The following RFTN1 variants were observed in gnomAD, a reference collection of about 807,000 sequenced individuals.
The protein encoded by RFTN1 is raftlin.
In RFTN1, 26 loss-of-function variants were observed where a neutral mutation model predicts 46.5. The ratio of observed to expected loss-of-function variants is 0.56; its 90% CI spans 0.41 to 0.78. The LOEUF is 0.78. Among genes scored for constraint, RFTN1 ranks in the 30% least tolerant of loss-of-function variants. The pLI, the probability that RFTN1 is intolerant of heterozygous loss-of-function variation, is 0.00. For synonymous variants in RFTN1, 261 were observed against 284.2 expected (o/e 0.92, Z 0.82); for missense variants, 693 against 718.7 (o/e 0.96, Z 0.41).
chr3:16,401,087 C>T (rs545472171), intron 4 of RFTN1, among the ~76,000 whole-genome samples: 9 of 152,156 alleles, frequency 5.9e-5, no homozygotes, highest in East Asian at 3.9e-4. Flanking sequence ...CAATGGGGGC[C>T]GATCGCTTGA....
rs1384860121 is a variant in RFTN1, at chr3:16,410,241, ACACACACACACACACAC to A, written c.333-775_333-759del. On this transcript the variant is annotated intron_variant, in intron 3 of 9. Coordinates refer to ENST00000334133, the MANE Select transcript of RFTN1 (RefSeq NM_015150.2). This position sits in a 1 kb window ranked among gnomAD's most constrained non-coding sequence, Gnocchi z 4.6. ...CACACACACACACACACACACACACACACACACACACACACACAAACTCTCACTCCAGTAATGTCTAT... is the reference window on the plus strand; with the variant it reads ...CACACACACACACACACACACACACAAAACTCTCACTCCAGTAATGTCTAT... 1.4e-4 allele frequency among the ~76,000 whole-genome samples: 21 copies of A among 150,134 alleles called. No individual in the cohort carries two copies. Among genetic ancestry groups the A allele is most frequent in the African/African-American group, 5.1e-4 (21 of 40,920 alleles).
chr3:16,394,353 G>T (rs575801503), intron 4 of RFTN1, among the ~76,000 whole-genome samples: 1 of 152,244 alleles, frequency 6.6e-6, no homozygotes, highest in South Asian at 2.1e-4. Context: ...TCTAGCTTGG[G>T]CAACACAGTG....
rs191932438 is a variant in RFTN1, at chr3:16,338,712, G to A, written c.1147-11836C>T. On this transcript the variant is annotated intron_variant, in intron 7 of 9. Transcript: ENST00000334133. The surrounding 1 kb of genome is among the most constrained non-coding windows in gnomAD (Gnocchi z 5.3). ...TCTCTTTAGACTATCAGAGATGAAT[G>A]AGGGATCCTATATCATATCTTTAGC... Among the ~76,000 whole-genome samples, 11 of 152,318 alleles carry A rather than the reference G, an allele frequency of 7.2e-5. No homozygotes were observed. In the East Asian group the frequency reaches 1.7e-3, roughly 24 times the overall value.
intron 2 of RFTN1, among the ~76,000 whole-genome samples, chr3:16,438,585 C>CAAAAAAAAAAAAAAAAAGAAA (rs2075560590): frequency 3.3e-5 from 1 of 30,444 alleles, no homozygotes; most frequent in Admixed American, 5.8e-4. Context: ...AACTCTGTCT[C>CAAAAAAAAAAAAAAAAAGAAA]AAAAAAAAAA....
rs1002459441 is a variant in RFTN1, at chr3:16,422,103, C to A, written c.332+11748G>T. ...AAATATGTCTACCCCACTTTGGTAA[C>A]CACTGTTTAGATAGTACATAGAATT... On this transcript the variant is annotated intron_variant, in intron 3 of 9. Transcript: ENST00000334133. This position sits in a 1 kb window ranked among gnomAD's most constrained non-coding sequence, Gnocchi z 4.6. Among the ~76,000 whole-genome samples the A allele has an allele frequency of 2.6e-5, 4 of 152,142 alleles. No homozygotes were observed. Among genetic ancestry groups the A allele is most frequent in the Admixed American group, 2.0e-4 (3 of 15,272 alleles).
Position 16,316,441 on chromosome 3 carries a change from C to T in RFTN1, c.*387G>A, listed in dbSNP as rs778104403. On this transcript the variant is annotated 3_prime_UTR_variant, in exon 10 of 10. Coordinates refer to ENST00000334133, the MANE Select transcript of RFTN1 (RefSeq NM_015150.2). This position sits in a 1 kb window ranked among gnomAD's most constrained non-coding sequence, Gnocchi z 4.5. ...CCACACGATGTGGGATGAACAGCAG[C>T]CTTGGTTTGTAGCCCAGGGTGTCCA... 1 of 280,698 alleles carries T rather than the reference C, an allele frequency of 3.6e-6. No homozygotes were observed. Among genetic ancestry groups the T allele is most frequent in the Non-Finnish European group, 6.8e-6 (1 of 146,198 alleles). The allele number at this position is 280,698 out of a possible 1,614,324, so 17.4% of individuals were successfully genotyped here.
rs1342746602 is a variant in RFTN1, at chr3:16,450,368, G to A, written c.146-16331C>T. Among the ~76,000 whole-genome samples, 1 of 152,194 alleles carries A rather than the reference G, an allele frequency of 6.6e-6. No homozygotes were observed. Among genetic ancestry groups the A allele is most frequent in the Non-Finnish European group, 1.5e-5 (1 of 68,036 alleles). ...TGGCATAGAAAGGGGAGGCTGAAGAGATAGTGTCTGGCCACATCCAGGTGC... is the reference window on the plus strand; with the variant it reads ...TGGCATAGAAAGGGGAGGCTGAAGAAATAGTGTCTGGCCACATCCAGGTGC... On this transcript the variant is annotated intron_variant, in intron 2 of 9. Transcript: ENST00000334133. The surrounding 1 kb of genome is among the most constrained non-coding windows in gnomAD (Gnocchi z 4.6).
chr3:16,477,760 T>G lies in RFTN1; in HGVS notation c.145+15965A>C, dbSNP rs1208199154. ...TGTGGAAGGCTAACCACAGGACATT[T>G]GCATCTCATCAATATGTTTAAATGT... On this transcript the variant is annotated intron_variant, in intron 2 of 9. Coordinates refer to ENST00000334133, the MANE Select transcript of RFTN1 (RefSeq NM_015150.2). Among the ~76,000 whole-genome samples the G allele has an allele frequency of 2.0e-5, 3 of 152,344 alleles. No individual in the cohort carries two copies. In the East Asian group the frequency reaches 5.8e-4, roughly 29 times the overall value.
rs1159858947 is a variant in RFTN1, at chr3:16,345,843, CATGT to C, written c.1146+12085_1146+12088del. 6.4e-5 allele frequency among the ~76,000 whole-genome samples: 5 copies of C among 77,528 alleles called. No individual in the cohort carries two copies. The highest frequency in any genetic ancestry group is 3.3e-4 in the African/African-American group (5 of 15,074). The allele number at this position is 77,528 out of a possible 152,430, so 50.9% of individuals were successfully genotyped here. On this transcript the variant is annotated intron_variant, in intron 7 of 9. Coordinates refer to ENST00000334133, the MANE Select transcript of RFTN1 (RefSeq NM_015150.2). The surrounding 1 kb of genome is among the most constrained non-coding windows in gnomAD (Gnocchi z 5.2). ...GCGCGCGCGCGTGCGCGCACGCGCACATGTGCATGTGTATGTGTATAATCTCCTA... is the reference window on the plus strand; with the variant it reads ...GCGCGCGCGCGTGCGCGCACGCGCACGCATGTGTATGTGTATAATCTCCTA...
At chr3:16,403,679 AATAT>A (rs796417385) in intron 4 of RFTN1, among the ~76,000 whole-genome samples, 2 of 22,036 alleles carry the variant, frequency 9.1e-5, no homozygotes, top group Non-Finnish European at 1.6e-4. Context: ...TATAATATAT[AATAT>A]ATATATAATA....
rs1575185480 is a variant in RFTN1, at chr3:16,381,430, T to C, written c.442-3328A>G. On this transcript the variant is annotated intron_variant, in intron 4 of 9. Transcript: ENST00000334133. The surrounding 1 kb of genome is among the most constrained non-coding windows in gnomAD (Gnocchi z 4.2). Reference sequence around the variant, plus strand: ...TGATTATTTCTGCCTGAAGGGGAGGTTGAGAAAAGTTTCTCCGAGTAGATC... The same window carrying C: ...TGATTATTTCTGCCTGAAGGGGAGGCTGAGAAAAGTTTCTCCGAGTAGATC... Among the ~76,000 whole-genome samples, 1 of 152,100 alleles carries C rather than the reference T, an allele frequency of 6.6e-6. No homozygotes were observed. Among genetic ancestry groups the C allele is most frequent in the Non-Finnish European group, 1.5e-5 (1 of 68,024 alleles).
At position 16,336,402 on chromosome 3, in the gene RFTN1, C is replaced by T. The variant is rs113995065; in HGVS notation, c.1147-9526G>A. On this transcript the variant is annotated intron_variant, in intron 7 of 9. Coordinates refer to ENST00000334133, the MANE Select transcript of RFTN1 (RefSeq NM_015150.2). This position sits in a 1 kb window ranked among gnomAD's most constrained non-coding sequence, Gnocchi z 6.0. ...GTGGAGGGAGGGAGAAGGGAAGGGGCGACCTGCTGCTCTGTGGAGAAACAG... is the reference window on the plus strand; with the variant it reads ...GTGGAGGGAGGGAGAAGGGAAGGGGTGACCTGCTGCTCTGTGGAGAAACAG... Among the ~76,000 whole-genome samples, 1,708 of 152,250 alleles carry T rather than the reference C, an allele frequency of 0.011. 27 individuals carry two copies. The highest frequency in any genetic ancestry group is 0.039 in the African/African-American group (1,630 of 41,542).
intron 2 of RFTN1, among the ~76,000 whole-genome samples, chr3:16,445,483 T>A (rs373343589): frequency 0.018 from 2,319 of 126,790 alleles, 27 homozygotes; most frequent in African/African-American, 0.026. Flanking sequence ...TCTCTCTCTC[T>A]CACACACACA....
chr3:16,329,905 C>T lies in RFTN1; in HGVS notation c.1147-3029G>A, dbSNP rs917392073. Among the ~76,000 whole-genome samples the T allele has an allele frequency of 4.6e-5, 7 of 152,094 alleles. No homozygotes were observed. Among genetic ancestry groups the T allele is most frequent in the Admixed American group, 2.0e-4 (3 of 15,260 alleles). On this transcript the variant is annotated intron_variant, in intron 7 of 9. Transcript: ENST00000334133. This position sits in a 1 kb window ranked among gnomAD's most constrained non-coding sequence, Gnocchi z 4.5. ...TGCATCTCGGGCCAGGTTTTCTCTG[C>T]GGGCACCCAGAGCTGCGAGACAATG...
rs894025639 is a variant in RFTN1, at chr3:16,341,104, C to T, written c.1147-14228G>A. 1.3e-5 allele frequency among the ~76,000 whole-genome samples: 2 copies of T among 152,104 alleles called. No homozygotes were observed. Among genetic ancestry groups the T allele is most frequent in the African/African-American group, 4.8e-5 (2 of 41,406 alleles). ...TTAGGGAAATGCAAATAAGACAGTC[C>T]ACCTTAGAATGACCACATTAGAATG... is the stretch of plus-strand genomic sequence containing the variant. On this transcript the variant is annotated intron_variant, in intron 7 of 9. Transcript: ENST00000334133. The surrounding 1 kb of genome is among the most constrained non-coding windows in gnomAD (Gnocchi z 4.7).
intron 7 of RFTN1, among the ~76,000 whole-genome samples, chr3:16,357,350 C>T (rs2072521939): frequency 6.6e-6 from 1 of 152,170 alleles, no homozygotes; most frequent in Non-Finnish European, 1.5e-5. Context: ...GAGGAATTCC[C>T]CTTCCCACAG....
chr3:16,349,084 A>G (rs2125313778), intron 7 of RFTN1: 1 of 152,370 alleles, frequency 6.6e-6, no homozygotes, highest in Non-Finnish European at 1.5e-5. Context: ...TTCTAAATGT[A>G]ATCTCTTCCC....
chr3:16,383,238 G>A lies in RFTN1; in HGVS notation c.442-5136C>T, dbSNP rs2074054965. Among the ~76,000 whole-genome samples the A allele has an allele frequency of 6.6e-6, 1 of 152,124 alleles. No homozygotes were observed. The highest frequency in any genetic ancestry group is 2.1e-4 in the South Asian group (1 of 4,822). On this transcript the variant is annotated intron_variant, in intron 4 of 9. Transcript: ENST00000334133. This position sits in a 1 kb window ranked among gnomAD's most constrained non-coding sequence, Gnocchi z 4.0. Reference sequence around the variant, plus strand: ...AATCTGACCTGTGCCAAGATGCCCAGGTGGATGCCTGTTTAAACTGATATA... The same window carrying A: ...AATCTGACCTGTGCCAAGATGCCCAAGTGGATGCCTGTTTAAACTGATATA...
At position 16,424,698 on chromosome 3, in the gene RFTN1, T is replaced by G. The variant is rs1276384557; in HGVS notation, c.332+9153A>C. On this transcript the variant is annotated intron_variant, in intron 3 of 9. Transcript: ENST00000334133. The surrounding 1 kb of genome is among the most constrained non-coding windows in gnomAD (Gnocchi z 4.7). ...TTATAGCATCTTTATAGCATTTACC[T>G]CTTTGTAAATGGTTCCATCTTTCAA... Among the ~76,000 whole-genome samples the G allele has an allele frequency of 6.6e-6, 1 of 152,216 alleles. No individual in the cohort carries two copies. Among genetic ancestry groups the G allele is most frequent in the East Asian group, 1.9e-4 (1 of 5,198 alleles).
Sources: gnomAD v4.1 joint callset for allele counts (sites outside exome capture counted in the v4.1 genomes callset) on GRCh38, gnomAD v4.1.1 for gene constraint, Gnocchi (gnomAD v3.1) non-coding constraint, MANE v1.5 for transcripts, NCBI Gene and HGNC (gene_info 2026-07-23, HGNC 2026-07-21) for gene names.